Variants in ALK observed in about 807,000 individuals in gnomAD.
ALK encodes the protein ALK receptor tyrosine kinase.
A neutral mutation model predicts 163.1 loss-of-function variants in ALK; 74 were observed. That is an observed-to-expected ratio of 0.45 (90% confidence interval 0.38 to 0.55). ALK has a LOEUF of 0.55. ALK is among the 20% of genes least tolerant of loss of function. The pLI is 0.00. For synonymous variants in ALK, 960 were observed against 843.2 expected (o/e 1.14, Z -2.40); for missense variants, 2,063 against 2,105.3 (o/e 0.98, Z 0.39).
intron 1 of ALK, among the ~76,000 whole-genome samples, chr2:29,846,153 G>A (rs1181590920): frequency 6.6e-6 from 1 of 152,138 alleles, no homozygotes; most frequent in Non-Finnish European, 1.5e-5. Flanking sequence ...CCTGGAATTG[G>A]CCTCTCCCAG....
rs28569062 is a variant in ALK, at chr2:29,700,476, G to A, written c.788-5462C>T. 6.6e-3 allele frequency among the ~76,000 whole-genome samples: 998 copies of A among 152,200 alleles called. 9 individuals are homozygous for A. Among genetic ancestry groups the A allele is most frequent in the African/African-American group, 0.023 (955 of 41,522 alleles). On this transcript the variant is annotated intron_variant, in intron 2 of 28. Transcript: ENST00000389048. ...GGAGAATGGCTTGAACCCGGGAGGC[G>A]GAGGGTGCGGTGAGCCGAGACCCCA...
intron 4 of ALK, among the ~76,000 whole-genome samples, chr2:29,420,104 T>C (rs1183540448): frequency 9.8e-5 from 14 of 143,208 alleles, no homozygotes; most frequent in African/African-American, 3.2e-4. Flanking sequence ...CTGCTGTGAG[T>C]TGGGATGGTG....
chr2:29,397,475 T>G (rs757519175), intron 4 of ALK, among the ~76,000 whole-genome samples: 1 of 152,186 alleles, frequency 6.6e-6, no homozygotes, highest in Non-Finnish European at 1.5e-5. Flanking sequence ...GTTCTGTTAT[T>G]TAAGCCACCA....
At chr2:29,897,624 C>G (rs552775552) in intron 1 of ALK, among the ~76,000 whole-genome samples, 1 of 152,230 alleles carries the variant, frequency 6.6e-6, no homozygotes, top group South Asian at 2.1e-4. Flanking sequence ...GGTGCTAAAG[C>G]CTCAAGACCT....
At chr2:29,400,012 A>G (rs930304779) in intron 4 of ALK, among the ~76,000 whole-genome samples, 1 of 152,166 alleles carries the variant, frequency 6.6e-6, no homozygotes, top group African/African-American at 2.4e-5. Context: ...AGTTAGGATA[A>G]CTGGGACCTT....
chr2:29,832,291 G>A (rs1457887419), intron 1 of ALK, among the ~76,000 whole-genome samples: 2 of 152,192 alleles, frequency 1.3e-5, no homozygotes, highest in Non-Finnish European at 2.9e-5. Flanking sequence ...AAAGCTGGGT[G>A]TGGGGTCCCA....
intron 4 of ALK, among the ~76,000 whole-genome samples, chr2:29,464,353 A>G (rs1361406776): frequency 6.6e-6 from 1 of 152,196 alleles, no homozygotes; most frequent in East Asian, 1.9e-4. Context: ...AAAGAACTGG[A>G]GTATAAATAT....
intron 4 of ALK, among the ~76,000 whole-genome samples, chr2:29,504,032 A>AATTAATT (rs113300377): frequency 1.3e-3 from 196 of 152,122 alleles, no homozygotes; most frequent in African/African-American, 4.5e-3. Flanking sequence ...CAAATATATT[A>AATTAATT]ATTAATTACC....
At chr2:29,208,342 T>C (rs1032134497) in intron 25 of ALK, among the ~76,000 whole-genome samples, 2 of 151,998 alleles carry the variant, frequency 1.3e-5, no homozygotes, top group East Asian at 1.9e-4. Flanking sequence ...GTAGGTAACT[T>C]AGGGTGGTTG....
At chr2:29,358,254 T>G (rs1024464651) in intron 5 of ALK, among the ~76,000 whole-genome samples, 2 of 152,268 alleles carry the variant, frequency 1.3e-5, no homozygotes, top group Non-Finnish European at 2.9e-5. Context: ...AAGGCAATGC[T>G]GTCCTCTTAA....
intron 4 of ALK, among the ~76,000 whole-genome samples, chr2:29,418,964 G>C (rs1031923052): frequency 4.6e-5 from 7 of 151,518 alleles, no homozygotes; most frequent in African/African-American, 1.2e-4. Flanking sequence ...AAGTGAGAGG[G>C]TATGGTAGAA....
rs188562730 is a variant in ALK at position 29,233,976 on chromosome 2, G to C, written c.2356-280C>G. ...CTTGTAGGAGGCGGCTTTTAGTTGA[G>C]CCTTGAAGGATAGGGAGTTTTTTTT... On this transcript the variant is annotated intron_variant, in intron 13 of 28. Transcript: ENST00000389048. 9.9e-5 allele frequency among the ~76,000 whole-genome samples: 15 copies of C among 152,212 alleles called. 1 individual carries two copies. Among genetic ancestry groups the C allele is most frequent in the Admixed American group, 9.8e-4 (15 of 15,286 alleles).
chr2:29,620,187 A>T (rs751537983), intron 3 of ALK, among the ~76,000 whole-genome samples: 4 of 152,164 alleles, frequency 2.6e-5, no homozygotes, highest in Non-Finnish European at 5.9e-5. Flanking sequence ...TAAACAACAC[A>T]ACGGTGTTGC....
At chr2:29,409,376 C>T (rs1477827286) in intron 4 of ALK, among the ~76,000 whole-genome samples, 1 of 152,160 alleles carries the variant, frequency 6.6e-6, no homozygotes, top group African/African-American at 2.4e-5. Flanking sequence ...CTCAGTGCTG[C>T]TTTCTGTGGG....
intron 1 of ALK, among the ~76,000 whole-genome samples, chr2:29,845,961 T>G (rs1665831169): frequency 6.6e-6 from 1 of 152,234 alleles, no homozygotes; most frequent in Admixed American, 6.5e-5. Flanking sequence ...AGGTTCATAC[T>G]AAATCCTGCC....
chr2:29,838,527 T>C (rs535194009), intron 1 of ALK, among the ~76,000 whole-genome samples: 38 of 152,230 alleles, frequency 2.5e-4, no homozygotes, highest in African/African-American at 8.9e-4. Flanking sequence ...AATCCAGATG[T>C]CCATCAACAG....
At chr2:29,405,105 C>T (rs754171096) in intron 4 of ALK, among the ~76,000 whole-genome samples, 1 of 152,196 alleles carries the variant, frequency 6.6e-6, no homozygotes, top group Non-Finnish European at 1.5e-5. Flanking sequence ...GACAATGTCT[C>T]TTTAAATGAC....
rs1667980581 is a variant in ALK at position 29,920,813 on chromosome 2, T to C, written c.-154A>G. On this transcript the variant is annotated 5_prime_UTR_variant, in exon 1 of 29. Transcript: ENST00000389048. ...GTGCGTGCGCGCAAGTCTCTTGCTT[T>C]CCCCCAACTGCACGGAGGCGAGCAG... is the stretch of plus-strand genomic sequence containing the variant. The C allele has an allele frequency of 2.0e-5, 14 of 683,904 alleles. No individual in the cohort carries two copies. Among genetic ancestry groups the C allele is most frequent in the Non-Finnish European group, 3.2e-5 (13 of 410,828 alleles). The allele number at this position is 683,904 out of a possible 1,614,324, so 42.4% of individuals were successfully genotyped here.
intron 4 of ALK, among the ~76,000 whole-genome samples, chr2:29,410,628 G>A (rs184502286): frequency 4.0e-4 from 61 of 152,302 alleles, no homozygotes; most frequent in African/African-American, 1.2e-3. Context: ...GCATGTTACT[G>A]TACTGAATAC....
Sources: gnomAD v4.1 joint callset for allele counts (sites outside exome capture counted in the v4.1 genomes callset) on GRCh38, gnomAD v4.1.1 for gene constraint, MANE v1.5 for transcripts, NCBI Gene and HGNC (gene_info 2026-07-23, HGNC 2026-07-21) for gene names.